PTBP2: variants seen among roughly 807,000 people sequenced by gnomAD.
PTBP2 encodes the protein polypyrimidine tract binding protein 2, also known as polypyrimidine tract-binding protein 2.
In PTBP2, 13 loss-of-function variants were observed where a neutral mutation model predicts 61.4. The observed-to-expected ratio is 0.21, with a 90% CI of 0.14 to 0.34. The LOEUF (loss-of-function observed/expected upper bound fraction) is 0.34, where lower values mean the gene tolerates loss of function less well. PTBP2 is among the 10% of genes least tolerant of loss of function. The pLI, the probability that PTBP2 is intolerant of heterozygous loss-of-function variation, is 1.00. For missense variants in PTBP2, 405 were observed against 642.6 expected, an observed-to-expected ratio of 0.63 and a Z score of 4.00; for synonymous variants, 215 against 218.5, an observed-to-expected ratio of 0.98 and a Z score of 0.14.
At chr1:96,782,102 A>G (rs192581972) in intron 7 of PTBP2, among the ~76,000 whole-genome samples, 44 of 152,122 alleles carry the variant, frequency 2.9e-4, no homozygotes, top group Admixed American at 2.0e-3. Flanking sequence ...TATAACACAC[A>G]TAAGTAGGAA....
chr1:96,750,256 T>C (rs1024808988), intron 2 of PTBP2, among the ~76,000 whole-genome samples: 2 of 152,076 alleles, frequency 1.3e-5, no homozygotes, highest in African/African-American at 2.4e-5. Flanking sequence ...ATCAGTAATG[T>C]ATACAATTCT....
intron 2 of PTBP2, among the ~76,000 whole-genome samples, chr1:96,724,456 T>G (rs2100771409): frequency 6.6e-6 from 1 of 151,486 alleles, no homozygotes. Flanking sequence ...ACCCTGTTGG[T>G]CAGGCTGGTC....
At chr1:96,793,481 C>T (rs1191808652) in intron 8 of PTBP2, among the ~76,000 whole-genome samples, 4 of 151,938 alleles carry the variant, frequency 2.6e-5, no homozygotes, top group Non-Finnish European at 5.9e-5. Flanking sequence ...GCCATTCTGC[C>T]GCCTCAGCCT....
At chr1:96,821,406 T>C (rs574211730) in exon 14 of PTBP2, 1 of 151,982 alleles carries the variant, frequency 6.6e-6, no homozygotes, top group Non-Finnish European at 1.5e-5. Flanking sequence ...CAGTTAACTT[T>C]ATACAGTTAA....
intron 2 of PTBP2, among the ~76,000 whole-genome samples, chr1:96,723,838 T>A (rs1649989814): frequency 6.6e-6 from 1 of 152,236 alleles, no homozygotes; most frequent in South Asian, 2.1e-4. Flanking sequence ...TTGAAAATGC[T>A]TTCACACATG....
chr1:96,808,458 G>T (rs1336012396), intron 11 of PTBP2, among the ~76,000 whole-genome samples: 1 of 151,880 alleles, frequency 6.6e-6, no homozygotes, highest in Non-Finnish European at 1.5e-5. Flanking sequence ...AAGGATCCTA[G>T]TCCTGTTGAA....
intron 2 of PTBP2, among the ~76,000 whole-genome samples, chr1:96,732,947 C>T (rs1651635407): frequency 6.6e-6 from 1 of 151,496 alleles, no homozygotes; most frequent in Non-Finnish European, 1.5e-5. Flanking sequence ...ATTTGTACTT[C>T]ATCTGGTAGG....
chr1:96,750,751 T>G (rs1376891718), intron 2 of PTBP2, among the ~76,000 whole-genome samples: 1 of 152,144 alleles, frequency 6.6e-6, no homozygotes, highest in Non-Finnish European at 1.5e-5. Context: ...TTAGCTAGTT[T>G]AAATATTAGT....
intron 7 of PTBP2, among the ~76,000 whole-genome samples, chr1:96,778,915 G>A (rs1003168305): frequency 4.6e-5 from 7 of 152,050 alleles, no homozygotes; most frequent in African/African-American, 9.7e-5. Flanking sequence ...AGTAATAATA[G>A]CATAATTGTA....
downstream of PTBP2, chr1:96,819,382 T>C (rs531092810): frequency 6.6e-6 from 1 of 152,152 alleles, no homozygotes; most frequent in African/African-American, 2.4e-5. Context: ...AATATTCTTA[T>C]GGCTAGCAAT....
At chr1:96,819,703 T>TA (rs1491572349), downstream of PTBP2, 1 of 150,314 alleles carries the variant, frequency 6.7e-6, no homozygotes, top group Non-Finnish European at 1.5e-5. Flanking sequence ...GTTTTTTTTT[T>TA]ATTATTATTA....
chr1:96,808,038 T>G (rs1336626480), intron 11 of PTBP2, among the ~76,000 whole-genome samples: 2 of 152,162 alleles, frequency 1.3e-5, no homozygotes, highest in Non-Finnish European at 2.9e-5. Context: ...TTCTCAAATA[T>G]GTCATTTTTT....
rs66475516 is a variant in PTBP2, at chr1:96,813,661, C to CTTTTTTTTTTTT, written c.*266_*277dup. 13 of 120,694 alleles carry CTTTTTTTTTTTT rather than the reference C, an allele frequency of 1.1e-4. No homozygotes were observed. The highest frequency in any genetic ancestry group is 2.0e-4 in the East Asian group (1 of 5,120). The allele number at this position is 120,694 out of a possible 1,614,324, so 7.5% of individuals were successfully genotyped here. A position where few individuals can be genotyped will look rare whatever the true frequency, so the allele number is the denominator to read the frequency against. On this transcript the variant is annotated 3_prime_UTR_variant, in exon 14 of 14. Coordinates refer to ENST00000674951, the MANE Select transcript of PTBP2 (RefSeq NM_021190.4). ...TGTTTAAAATTTCAGTTTAATTTTG[C>CTTTTTTTTTTTT]TTTTTTTTTTTTTTTTTTTTTCCTT...
chr1:96,727,297 A>G (rs1332488147), intron 2 of PTBP2, among the ~76,000 whole-genome samples: 1 of 152,174 alleles, frequency 6.6e-6, no homozygotes, highest in African/African-American at 2.4e-5. Context: ...AATCCATTCA[A>G]GTCTTGAGGG....
chr1:96,763,401 C>T (rs1253523948), intron 3 of PTBP2, among the ~76,000 whole-genome samples: 2 of 152,006 alleles, frequency 1.3e-5, no homozygotes, highest in Admixed American at 1.3e-4. Context: ...CACAGCGAAA[C>T]CCCGTCTCCA....
At chr1:96,729,568 CG>C (rs1223093132) in intron 2 of PTBP2, among the ~76,000 whole-genome samples, 1 of 151,864 alleles carries the variant, frequency 6.6e-6, no homozygotes, top group Non-Finnish European at 1.5e-5. Context: ...TTTGTTTTGT[CG>C]GGAGGTTTTA....
At chr1:96,807,882 A>G (rs551523955) in intron 11 of PTBP2, among the ~76,000 whole-genome samples, 1 of 152,298 alleles carries the variant, frequency 6.6e-6, no homozygotes, top group South Asian at 2.1e-4. Context: ...TTTTAAAGAG[A>G]TACGAAAGTG....
intron 3 of PTBP2, among the ~76,000 whole-genome samples, chr1:96,767,635 G>A (rs189853338): frequency 5.9e-5 from 9 of 152,232 alleles, no homozygotes; most frequent in Admixed American, 3.9e-4. Context: ...GACTGATGCC[G>A]ATTGTTGTGT....
intron 4 of PTBP2, 111 bp downstream of exon 4, chr1:96,769,986 C>T: frequency 1.2e-6 from 1 of 827,166 alleles, no homozygotes; most frequent in Non-Finnish European, 1.7e-6. Flanking sequence ...GAACAGAAGT[C>T]TTATTCTCAC....
Sources: gnomAD v4.1 joint callset for allele counts (sites outside exome capture counted in the v4.1 genomes callset) on GRCh38, gnomAD v4.1.1 for gene constraint, MANE v1.5 for transcripts, NCBI Gene and HGNC (gene_info 2026-07-23, HGNC 2026-07-21) for gene names.